The following GRIK2 variants were observed in gnomAD, a reference collection of about 807,000 sequenced individuals.
GRIK2 encodes glutamate ionotropic receptor kainate type subunit 2.
Under a neutral mutation model 100.3 loss-of-function variants are expected in GRIK2, and 32 were observed. The ratio of observed to expected loss-of-function variants is 0.32; its 90% CI spans 0.24 to 0.43. GRIK2 has a LOEUF of 0.43. Among genes scored for constraint, GRIK2 ranks in the 20% least tolerant of loss-of-function variants. GRIK2 has a pLI of 1.00. For synonymous variants in GRIK2, 417 were observed against 389.4 expected, an observed-to-expected ratio of 1.07 and a Z score of -0.83; for missense variants, 843 against 1,114.9, an observed-to-expected ratio of 0.76 and a Z score of 3.47.
intron 14 of GRIK2, among the ~76,000 whole-genome samples, chr6:102,026,169 A>G (rs574385994): frequency 1.4e-5 from 2 of 140,962 alleles, no homozygotes; most frequent in South Asian, 4.5e-4. Flanking sequence ...GACAGTAGGT[A>G]TATGCTACAG....
intron 7 of GRIK2, among the ~76,000 whole-genome samples, chr6:101,697,422 AAAACTTGAATCC>A (rs1772572535): frequency 6.6e-6 from 1 of 151,746 alleles, no homozygotes; most frequent in Non-Finnish European, 1.5e-5. Context: ...GAATCTGCTT[AAAACTTGAATCC>A]AGTAGTCTTC....
At chr6:101,893,911 T>TC (rs1787269276) in intron 12 of GRIK2, among the ~76,000 whole-genome samples, 2 of 151,666 alleles carry the variant, frequency 1.3e-5, no homozygotes, top group African/African-American at 4.8e-5. Context: ...ATAATAATAC[T>TC]TAAATCATCT....
chr6:101,680,329 T>A (rs1323229732), intron 5 of GRIK2, among the ~76,000 whole-genome samples: 1 of 152,188 alleles, frequency 6.6e-6, no homozygotes, highest in Non-Finnish European at 1.5e-5. Context: ...GGCAAAAATT[T>A]TAGAATGCAT....
chr6:101,484,994 T>C (rs1048507544), intron 2 of GRIK2, among the ~76,000 whole-genome samples: 27 of 152,310 alleles, frequency 1.8e-4, no homozygotes, highest in Non-Finnish European at 3.5e-4. Flanking sequence ...CATAATTCAA[T>C]TGAAACACAT....
rs565381255 is a variant in GRIK2 at position 101,632,019 on chromosome 6, T to C, written c.541+5382T>C. Among the ~76,000 whole-genome samples, 3 of 152,232 alleles carry C rather than the reference T, an allele frequency of 2.0e-5. No individual in the cohort carries two copies. The South Asian group carries it at 6.2e-4, about 32-fold the overall frequency. On this transcript the variant is annotated intron_variant, in intron 4 of 16. Transcript: ENST00000369134. Reference sequence around the variant, plus strand: ...TTCAAATTGAGCCAGTAGACACCTTTTAGTTGTTGAAAATAATCTTCTGTT... The same window carrying C: ...TTCAAATTGAGCCAGTAGACACCTTCTAGTTGTTGAAAATAATCTTCTGTT...
intron 2 of GRIK2, among the ~76,000 whole-genome samples, chr6:101,530,789 C>G (rs1439996249): frequency 6.6e-6 from 1 of 151,858 alleles, no homozygotes; most frequent in Non-Finnish European, 1.5e-5. Flanking sequence ...GCAAACATGA[C>G]ATGGAATTTG....
intron 7 of GRIK2, among the ~76,000 whole-genome samples, chr6:101,705,351 G>A (rs928757308): frequency 6.6e-6 from 1 of 151,128 alleles, no homozygotes; most frequent in Admixed American, 6.6e-5. Flanking sequence ...TGTGAAACAT[G>A]TATAAAGTTC....
chr6:101,666,448 C>A (rs1770039142), intron 4 of GRIK2, among the ~76,000 whole-genome samples: 1 of 152,198 alleles, frequency 6.6e-6, no homozygotes, highest in Non-Finnish European at 1.5e-5. Context: ...AGTCTCCAAC[C>A]CCTCCAGAAC....
At chr6:101,734,731 A>G (rs2128373391) in intron 7 of GRIK2, among the ~76,000 whole-genome samples, 1 of 152,322 alleles carries the variant, frequency 6.6e-6, no homozygotes, top group South Asian at 2.1e-4. Context: ...TGTCCTAAGG[A>G]AAATGACAAC....
chr6:101,501,888 G>T (rs575400133), intron 2 of GRIK2, among the ~76,000 whole-genome samples: 1 of 152,232 alleles, frequency 6.6e-6, no homozygotes, highest in East Asian at 1.9e-4. Context: ...CTCCTGAGTA[G>T]CTGGGACTAC....
chr6:101,573,849 G>A (rs536828659), intron 2 of GRIK2, among the ~76,000 whole-genome samples: 2 of 151,854 alleles, frequency 1.3e-5, no homozygotes, highest in East Asian at 3.9e-4. Context: ...CAAAAGTGGG[G>A]GTGTTTTTCT....
At position 101,705,073 on chromosome 6, in the gene GRIK2, T is replaced by C. The variant is rs553741549; in HGVS notation, c.951+18720T>C. Among the ~76,000 whole-genome samples the C allele has an allele frequency of 6.1e-5, 9 of 147,142 alleles. 1 individual carries two copies. The South Asian group carries it at 1.9e-3, about 31-fold the overall frequency. ...TATTTATGAATGTTAAAATGTAATA[T>C]AGATTTTTGTAGAATTTTATCTCCT... On this transcript the variant is annotated intron_variant, in intron 7 of 16. Transcript: ENST00000369134.
intron 14 of GRIK2, among the ~76,000 whole-genome samples, chr6:102,003,760 G>T (rs1324401081): frequency 1.3e-5 from 2 of 151,580 alleles, no homozygotes; most frequent in Admixed American, 6.6e-5. Context: ...AGTTGCTGTT[G>T]TGAAAACCAA....
At chr6:101,395,723 T>G (rs1387154774) in intron 1 of GRIK2, among the ~76,000 whole-genome samples, 3 of 152,220 alleles carry the variant, frequency 2.0e-5, no homozygotes, top group Non-Finnish European at 4.4e-5. Flanking sequence ...TAACATGATA[T>G]GCATTTTCTT....
intron 2 of GRIK2, among the ~76,000 whole-genome samples, chr6:101,404,127 C>A (rs1775481244): frequency 6.6e-6 from 1 of 152,164 alleles, no homozygotes; most frequent in Admixed American, 6.5e-5. Flanking sequence ...ATGGTTTATA[C>A]GTCAGTAGAC....
At chr6:101,552,531 C>T (rs914961184) in intron 2 of GRIK2, among the ~76,000 whole-genome samples, 1 of 152,150 alleles carries the variant, frequency 6.6e-6, no homozygotes, top group Non-Finnish European at 1.5e-5. Context: ...AGATGATAAT[C>T]ACTGGAAATT....
At chr6:101,471,530 G>A (rs1771947628) in intron 2 of GRIK2, among the ~76,000 whole-genome samples, 3 of 151,844 alleles carry the variant, frequency 2.0e-5, no homozygotes, top group Admixed American at 2.0e-4. Context: ...ATATCTTACA[G>A]CTAAACACCA....
chr6:101,799,514 A>G (rs1583175345), intron 7 of GRIK2, 134 bp from the exon 8 acceptor site: 1 of 660,788 alleles, frequency 1.5e-6, no homozygotes. Context: ...GTTAGAGATA[A>G]CGTTTTCTTC....
chr6:101,399,638 A>G (rs1482639589), intron 2 of GRIK2, among the ~76,000 whole-genome samples: 4 of 152,170 alleles, frequency 2.6e-5, no homozygotes, highest in Admixed American at 2.0e-4. Context: ...ACCTCCCCAC[A>G]GTAGCTTGCC....
Sources: gnomAD v4.1 joint callset for allele counts (sites outside exome capture counted in the v4.1 genomes callset) on GRCh38, gnomAD v4.1.1 for gene constraint, MANE v1.5 for transcripts, NCBI Gene and HGNC (gene_info 2026-07-23, HGNC 2026-07-21) for gene names.